TAS2R1: variants seen among roughly 807,000 people sequenced by gnomAD.
The protein encoded by TAS2R1 is taste 2 receptor member 1.
For missense variants in TAS2R1, 370 were observed against 353.4 expected (o/e 1.05, Z -0.38); for synonymous variants, 141 against 134.2 (o/e 1.05, Z -0.35).
the TAS2R1 span, among the ~76,000 whole-genome samples, chr5:9,793,322 A>G: frequency 6.6e-6 from 1 of 152,350 alleles, no homozygotes; most frequent in South Asian, 2.1e-4. Flanking sequence ...CACACATGTT[A>G]GGGAAGTTTG....
chr5:9,822,629 G>A, the TAS2R1 span, among the ~76,000 whole-genome samples: 149 of 152,154 alleles, frequency 9.8e-4, no homozygotes, highest in African/African-American at 3.4e-3. Flanking sequence ...GATTACAGGT[G>A]TGAGCCACCG....
upstream of TAS2R1, among the ~76,000 whole-genome samples, chr5:9,631,220 A>G (rs1018799930): frequency 6.6e-6 from 1 of 152,164 alleles, no homozygotes. Flanking sequence ...AGCCACATAT[A>G]TAATGTGATA....
the TAS2R1 span, among the ~76,000 whole-genome samples, chr5:9,787,574 C>A: frequency 2.0e-5 from 3 of 152,202 alleles, no homozygotes; most frequent in Non-Finnish European, 4.4e-5. Flanking sequence ...TCTAATCAAT[C>A]CCCTGCAAGC....
At chr5:9,827,391 T>C in the TAS2R1 span, among the ~76,000 whole-genome samples, 1,806 of 152,244 alleles carry the variant, frequency 0.012, 28 homozygotes, top group African/African-American at 0.041. Flanking sequence ...CTGCTTCCCA[T>C]TTTCATCCTC....
At chr5:9,759,087 TC>T in the TAS2R1 span, among the ~76,000 whole-genome samples, 34 of 152,344 alleles carry the variant, frequency 2.2e-4, no homozygotes, top group African/African-American at 7.7e-4. Context: ...TTAATCTGGT[TC>T]ACAAAACATC....
the TAS2R1 span, among the ~76,000 whole-genome samples, chr5:9,875,533 G>C: frequency 6.6e-6 from 1 of 152,184 alleles, no homozygotes; most frequent in African/African-American, 2.4e-5. Flanking sequence ...TGTTCCCACA[G>C]GTTCATCACA....
chr5:9,901,724 G>A, the TAS2R1 span, among the ~76,000 whole-genome samples: 3 of 152,172 alleles, frequency 2.0e-5, no homozygotes, highest in Admixed American at 1.3e-4. Context: ...ATGAAGCGAT[G>A]TGGATCCAGG....
At chr5:9,873,872 GA>G in the TAS2R1 span, among the ~76,000 whole-genome samples, 487 of 121,646 alleles carry the variant, frequency 4.0e-3, 1 homozygote, top group East Asian at 0.015. Context: ...CTGTCTCGGG[GA>G]AAAAAAAAAA....
the TAS2R1 span, among the ~76,000 whole-genome samples, chr5:9,742,659 CATAA>C: frequency 6.6e-6 from 1 of 152,126 alleles, no homozygotes; most frequent in Non-Finnish European, 1.5e-5. Flanking sequence ...AGGTTGTTTT[CATAA>C]ATAGACAATC....
At chr5:9,728,353 AG>A in the TAS2R1 span, among the ~76,000 whole-genome samples, 1 of 152,246 alleles carries the variant, frequency 6.6e-6, no homozygotes, top group Non-Finnish European at 1.5e-5. Flanking sequence ...TTTAAAAATA[AG>A]GGAACAAAGT....
Position 9,627,574 on chromosome 5 carries a change from G to A in TAS2R1, c.*1559C>T, listed in dbSNP as rs189998041. ...ATTGCTCCCACTCTTTCAGGTACAC[G>A]TATCACAGATTCAAGGAACAGAATA... On this transcript the variant is annotated 3_prime_UTR_variant, in exon 1 of 1. Transcript: ENST00000382492. Among the ~76,000 whole-genome samples, 42 of 152,242 alleles carry A rather than the reference G, an allele frequency of 2.8e-4. No homozygotes were observed. The highest frequency in any genetic ancestry group is 3.4e-3 in the Middle Eastern group (1 of 292).
the TAS2R1 span, among the ~76,000 whole-genome samples, chr5:9,830,992 A>G: frequency 6.6e-6 from 1 of 152,178 alleles, no homozygotes; most frequent in African/African-American, 2.4e-5. Context: ...TCATGCTTGC[A>G]TGTTCTTGGA....
chr5:9,728,744 C>G, the TAS2R1 span, among the ~76,000 whole-genome samples: 1 of 152,170 alleles, frequency 6.6e-6, no homozygotes, highest in Admixed American at 6.5e-5. Context: ...AAGTAGAGCT[C>G]TTGCCAGCCC....
the TAS2R1 span, among the ~76,000 whole-genome samples, chr5:9,775,874 G>T: frequency 6.6e-5 from 10 of 152,278 alleles, no homozygotes; most frequent in Middle Eastern, 3.4e-3. Context: ...TAAATAAAAA[G>T]GAATCTCTCC....
the TAS2R1 span, among the ~76,000 whole-genome samples, chr5:9,870,702 C>T: frequency 5.3e-5 from 8 of 152,114 alleles, no homozygotes; most frequent in East Asian, 5.8e-4. Flanking sequence ...GGACATAATA[C>T]GAGCCCCCAA....
At chr5:9,861,192 C>G in the TAS2R1 span, among the ~76,000 whole-genome samples, 1 of 152,066 alleles carries the variant, frequency 6.6e-6, no homozygotes, top group Non-Finnish European at 1.5e-5. Flanking sequence ...AACATTCTTT[C>G]ACGCTGGTGG....
chr5:9,650,438 A>G (rs1740281107), intron 2 of TAS2R1, among the ~76,000 whole-genome samples: 1 of 151,146 alleles, frequency 6.6e-6, no homozygotes, highest in Non-Finnish European at 1.5e-5. Context: ...ACCCATTTCT[A>G]CAGTGTTACC....
chr5:9,643,508 G>A (rs898642576), intron 2 of TAS2R1, among the ~76,000 whole-genome samples: 1 of 152,118 alleles, frequency 6.6e-6, no homozygotes, highest in Non-Finnish European at 1.5e-5. Flanking sequence ...GTGAGTGAGA[G>A]GTGAGTGAAT....
At chr5:9,743,308 CTT>C in the TAS2R1 span, among the ~76,000 whole-genome samples, 1 of 148,058 alleles carries the variant, frequency 6.8e-6, no homozygotes, top group South Asian at 2.1e-4. Context: ...CAGTGCTATT[CTT>C]TTTTTTTTTA....
Sources: gnomAD v4.1 joint callset for allele counts (sites outside exome capture counted in the v4.1 genomes callset) on GRCh38, gnomAD v4.1.1 for gene constraint, MANE v1.5 for transcripts, NCBI Gene and HGNC (gene_info 2026-07-23, HGNC 2026-07-21) for gene names.